The following SEC24B variants were observed in gnomAD, a reference collection of about 807,000 sequenced individuals.
The protein encoded by SEC24B is protein transport protein Sec24B.
A neutral mutation model predicts 142.8 loss-of-function variants in SEC24B; 45 were observed. That is an observed-to-expected ratio of 0.32 (90% CI 0.25 to 0.40). The LOEUF (loss-of-function observed/expected upper bound fraction) is 0.40, where lower values mean the gene tolerates loss of function less well. Among genes scored for constraint, SEC24B ranks in the 10% least tolerant of loss-of-function variants. The probability of loss-of-function intolerance (pLI) is 1.00; values close to 1 mark genes in which losing one functional copy is unlikely to be tolerated. For synonymous variants in SEC24B, 574 were observed against 568.2 expected, an observed-to-expected ratio of 1.01 and a Z score of -0.15; for missense variants, 1,409 against 1,526.8, an observed-to-expected ratio of 0.92 and a Z score of 1.29.
intron 4 of SEC24B, among the ~76,000 whole-genome samples, chr4:109,483,567 A>G (rs768509659): frequency 2.0e-5 from 3 of 152,200 alleles, no homozygotes; most frequent in Non-Finnish European, 2.9e-5. Flanking sequence ...GACTGAACCA[A>G]TAACTGATGA....
intron 3 of SEC24B, among the ~76,000 whole-genome samples, chr4:109,474,635 A>G (rs899469079): frequency 1.3e-5 from 2 of 151,906 alleles, no homozygotes; most frequent in South Asian, 2.1e-4. Flanking sequence ...ATGTTGACCA[A>G]TCTGGCCTCG....
intron 5 of SEC24B, among the ~76,000 whole-genome samples, chr4:109,492,029 C>G (rs1735072097): frequency 6.6e-6 from 1 of 152,114 alleles, no homozygotes; most frequent in African/African-American, 2.4e-5. Context: ...CTCTCTCTCT[C>G]TTTTCCTAAT....
chr4:109,499,055 C>A lies in SEC24B; in HGVS notation c.1488+4199C>A, dbSNP rs1056100496. Among the ~76,000 whole-genome samples, 24 of 151,990 alleles carry A rather than the reference C, an allele frequency of 1.6e-4. No individual in the cohort carries two copies. The East Asian group carries it at 4.3e-3, about 27-fold the overall frequency. On this transcript the variant is annotated intron_variant, in intron 6 of 23. Coordinates refer to ENST00000265175, the MANE Select transcript of SEC24B (RefSeq NM_006323.5). ...ATCAATTAGAGAAAATGCAGATAAACAAAAGGGAAAATACTAATAAATATT... is the reference window on the plus strand; with the variant it reads ...ATCAATTAGAGAAAATGCAGATAAAAAAAAGGGAAAATACTAATAAATATT...
At chr4:109,453,557 C>T (rs1730352587) in intron 1 of SEC24B, among the ~76,000 whole-genome samples, 1 of 150,390 alleles carries the variant, frequency 6.6e-6, no homozygotes, top group Admixed American at 6.7e-5. Flanking sequence ...GCTCTGCCTG[C>T]CTGGCCCACA....
chr4:109,527,614 T>TA (rs1204416739), intron 18 of SEC24B, among the ~76,000 whole-genome samples, 182 bp downstream of exon 18: 1 of 151,784 alleles, frequency 6.6e-6, no homozygotes, highest in Non-Finnish European at 1.5e-5. Context: ...CTACTAAAAA[T>TA]ACGAAAAAAT....
At chr4:109,474,066 C>T (rs1167009461) in intron 3 of SEC24B, among the ~76,000 whole-genome samples, 1 of 152,140 alleles carries the variant, frequency 6.6e-6, no homozygotes, top group African/African-American at 2.4e-5. Flanking sequence ...TGTTGAGTGT[C>T]TATGTGATCA....
chr4:109,533,543 A>G (rs1198642900), intron 21 of SEC24B, 50 bp from the exon 22 acceptor site: 2 of 1,122,258 alleles, frequency 1.8e-6, no homozygotes, highest in East Asian at 2.4e-5. Flanking sequence ...ATTAATGAAA[A>G]TGAATTAACT....
intron 4 of SEC24B, among the ~76,000 whole-genome samples, chr4:109,483,003 CAT>C: frequency 1.2e-5 from 1 of 84,082 alleles, no homozygotes; most frequent in African/African-American, 8.2e-5. Flanking sequence ...CACACACACA[CAT>C]ATTATACATA....
At chr4:109,526,504 A>C in intron 17 of SEC24B, 105 bp downstream of exon 17, 1 of 763,756 alleles carries the variant, frequency 1.3e-6, no homozygotes, top group Non-Finnish European at 2.0e-6. Context: ...AGTGGGAAGT[A>C]ATGGAATTTG....
intron 10 of SEC24B, among the ~76,000 whole-genome samples, chr4:109,515,258 G>A (rs752347847): frequency 6.6e-6 from 1 of 151,654 alleles, no homozygotes; most frequent in Non-Finnish European, 1.5e-5. Flanking sequence ...CCGCCACCAC[G>A]CCCGGCTAAT....
rs557637407 is a variant in SEC24B, at chr4:109,535,597, C to T, written c.3588+1912C>T. On this transcript the variant is annotated intron_variant, in intron 22 of 23. Transcript: ENST00000265175. ...GGCGCGGTGGCTCATGCCTGTAATC[C>T]CAGCACTTTGGGAGGCCGAGGTGGG... Among the ~76,000 whole-genome samples, 5 of 151,016 alleles carry T rather than the reference C, an allele frequency of 3.3e-5. No homozygotes were observed. The South Asian group carries it at 1.1e-3, about 32-fold the overall frequency.
Position 109,463,345 on chromosome 4 carries a change from A to G in SEC24B, c.578A>G (p.Tyr193Cys). 1.9e-6 allele frequency: 3 copies of G among 1,614,164 alleles called. No individual in the cohort carries two copies. Among genetic ancestry groups the G allele is most frequent in the East Asian group, 4.5e-5 (2 of 44,888 alleles). Residue 193 changes from tyrosine to cysteine, a missense_variant, in exon 2 of 24, where the codon TAT becomes TGT. By Grantham distance (194) the Tyr-to-Cys change is radical. This residue lies in a region of SEC24B where 709 missense variants were observed against 673.5 expected (regional missense o/e 1.05). Transcript: ENST00000265175. Reference sequence around the variant, plus strand: ...ATGTCAACTGTTTCTAATGCCGCGTATCCTAGTGTTTCATATCCCTCTCTG... The same window carrying G: ...ATGTCAACTGTTTCTAATGCCGCGTGTCCTAGTGTTTCATATCCCTCTCTG... The part of the protein sequence containing the change: ...YAMSTVSNAA[Y>C]PSVSYPSLPA...
intron 6 of SEC24B, among the ~76,000 whole-genome samples, chr4:109,505,588 G>GC (rs2126034485): frequency 6.6e-6 from 1 of 152,196 alleles, no homozygotes; most frequent in African/African-American, 2.4e-5. Flanking sequence ...TTTACCTGTT[G>GC]CCAAGTATCT....
chr4:109,516,662 A>T (rs1356613039), intron 11 of SEC24B, 22 bp downstream of exon 11: 9 of 1,284,558 alleles, frequency 7.0e-6, no homozygotes, highest in Non-Finnish European at 1.0e-5. Context: ...TTTAATTCAT[A>T]CTATACATAT....
chr4:109,456,407 G>A (rs576884673), intron 1 of SEC24B, among the ~76,000 whole-genome samples: 8 of 150,004 alleles, frequency 5.3e-5, no homozygotes, highest in South Asian at 2.1e-4. Context: ...CACTGAAGGG[G>A]CTGTTACATC....
rs1261626626 is a variant in SEC24B, at chr4:109,521,724, TTTTG to T, written c.2508+106_2508+109del. 16 of 977,414 alleles carry T rather than the reference TTTTG, an allele frequency of 1.6e-5. No homozygotes were observed. The Admixed American group carries it at 3.6e-4, about 22-fold the overall frequency. The allele number at this position is 977,414 out of a possible 1,614,324, so 60.5% of individuals were successfully genotyped here. A position where few individuals can be genotyped will look rare whatever the true frequency, so the allele number is the denominator to read the frequency against. On this transcript the variant is annotated intron_variant, in intron 14 of 23. Coordinates refer to ENST00000265175, the MANE Select transcript of SEC24B (RefSeq NM_006323.5). ...AAATACTGGCAAGAGAGTTGGGTTT[TTTTG>T]TTTGTTTTTTGTTTCTTTTTTGAGA...
chr4:109,520,553 A>G, intron 12 of SEC24B, 69 bp downstream of exon 12: 3 of 861,060 alleles, frequency 3.5e-6, no homozygotes, highest in East Asian at 2.4e-5. Context: ...TTATTTTAAT[A>G]TACACCTTGC....
intron 3 of SEC24B, among the ~76,000 whole-genome samples, chr4:109,477,091 C>CCCG (rs1733243684): frequency 6.8e-6 from 1 of 146,098 alleles, no homozygotes; most frequent in African/African-American, 2.6e-5. Flanking sequence ...GAGCCGAGAT[C>CCCG]CCGCCACTGC....
chr4:109,525,449 G>A lies in SEC24B; in HGVS notation c.2736G>A (p.Arg912=), dbSNP rs532314398. The A allele has an allele frequency of 3.1e-6, 5 of 1,611,358 alleles. No homozygotes were observed. The highest frequency in any genetic ancestry group is 4.2e-6 in the Non-Finnish European group (5 of 1,178,562). Residue 912 remains arginine (R), a synonymous_variant, in exon 16 of 24, where the codon CGG becomes CGA. Coordinates refer to ENST00000265175, the MANE Select transcript of SEC24B (RefSeq NM_006323.5). The stretch of plus-strand genomic sequence containing the variant: ...AAAAGTTACAAAAAGACCTAAAACG[G>A]TATCTCACAAGAAAAATTGGGTTTG... ...QAEKLQKDLK[R]YLTRKIGFEA... is the part of the protein sequence containing the mutation.
Sources: gnomAD v4.1 joint callset for allele counts (sites outside exome capture counted in the v4.1 genomes callset) on GRCh38, gnomAD v4.1.1 for gene constraint, gnomAD v4.1.1 regional missense constraint, MANE v1.5 for transcripts, NCBI Gene and HGNC (gene_info 2026-07-23, HGNC 2026-07-21) for gene names.